The following ZNG1B variants were observed in gnomAD, a reference collection of about 807,000 sequenced individuals.
The protein encoded by ZNG1B is Zn regulated GTPase metalloprotein activator 1B.
At chr2:113,483,838 G>A in the ZNG1B span, among the ~76,000 whole-genome samples, 3 of 152,250 alleles carry the variant, frequency 2.0e-5, no homozygotes, top group Non-Finnish European at 4.4e-5. Flanking sequence ...GTGTATTAAA[G>A]CAAATTCCAG....
chr2:113,438,716 A>G, the ZNG1B span, among the ~76,000 whole-genome samples: 65 of 152,100 alleles, frequency 4.3e-4, no homozygotes, highest in African/African-American at 1.5e-3. Context: ...TTCTTACTGG[A>G]AAAGTTTGAG....
At chr2:113,453,011 C>T in the ZNG1B span, 4 of 1,453,182 alleles carry the variant, frequency 2.8e-6, no homozygotes, top group Non-Finnish European at 3.7e-6. Context: ...GCTTCTATCA[C>T]TATAATTTCC....
the ZNG1B span, among the ~76,000 whole-genome samples, chr2:113,439,907 C>T: frequency 3.6e-5 from 3 of 82,300 alleles, no homozygotes; most frequent in South Asian, 4.5e-4. Context: ...TTTTTTGAGA[C>T]GGAGTCTCGC....
At chr2:113,441,998 A>G in the ZNG1B span, among the ~76,000 whole-genome samples, 1 of 152,138 alleles carries the variant, frequency 6.6e-6, no homozygotes, top group Non-Finnish European at 1.5e-5. Flanking sequence ...TCGGCCTCCC[A>G]AAGTTGCTGG....
chr2:113,446,765 TGCACAC>T, the ZNG1B span, among the ~76,000 whole-genome samples: 1 of 120,160 alleles, frequency 8.3e-6, no homozygotes, highest in African/African-American at 3.2e-5. Context: ...CACACGCACA[TGCACAC>T]GCACACACAC....
chr2:113,490,682 T>C, the ZNG1B span, among the ~76,000 whole-genome samples: 1 of 152,034 alleles, frequency 6.6e-6, no homozygotes, highest in South Asian at 2.1e-4. Flanking sequence ...ACAAAAGATA[T>C]TCAAGGCTAC....
At chr2:113,452,854 A>G in the ZNG1B span, among the ~76,000 whole-genome samples, 1 of 147,238 alleles carries the variant, frequency 6.8e-6, no homozygotes, top group African/African-American at 2.5e-5. Context: ...TTAAATTATT[A>G]TGGCATCGGT....
chr2:113,471,768 T>A, the ZNG1B span, among the ~76,000 whole-genome samples: 3 of 151,984 alleles, frequency 2.0e-5, no homozygotes, highest in Admixed American at 2.0e-4. Flanking sequence ...TTATGGAGAA[T>A]GATGATTTCC....
chr2:113,446,772 G>A, the ZNG1B span, among the ~76,000 whole-genome samples: 40 of 142,124 alleles, frequency 2.8e-4, no homozygotes, highest in South Asian at 9.3e-4. Context: ...ACATGCACAC[G>A]CACACACACA....
the ZNG1B span, chr2:113,469,139 T>C: frequency 6.6e-6 from 1 of 151,962 alleles, no homozygotes. Context: ...TTTATTTTTA[T>C]TTTTATTTAT....
the ZNG1B span, among the ~76,000 whole-genome samples, chr2:113,439,319 C>T: frequency 6.6e-6 from 1 of 151,836 alleles, no homozygotes; most frequent in Non-Finnish European, 1.5e-5. Context: ...AAGGCTCCCT[C>T]CTCCTTCCCC....
the ZNG1B span, among the ~76,000 whole-genome samples, chr2:113,479,817 C>CTTTTT: frequency 2.7e-4 from 36 of 135,652 alleles, no homozygotes; most frequent in Admixed American, 4.4e-4. Context: ...ATTTGCCTTT[C>CTTTTT]TTTTTTTTTT....
chr2:113,446,638 C>T, the ZNG1B span, among the ~76,000 whole-genome samples: 1 of 148,786 alleles, frequency 6.7e-6, no homozygotes, highest in Non-Finnish European at 1.5e-5. Flanking sequence ...CCCAGCTACT[C>T]AGGAGGCTAA....
the ZNG1B span, among the ~76,000 whole-genome samples, chr2:113,483,454 G>A: frequency 4.0e-5 from 6 of 150,890 alleles, no homozygotes; most frequent in East Asian, 7.8e-4. Flanking sequence ...GAAAAGCTGC[G>A]TTTCTCAAAT....
the ZNG1B span, among the ~76,000 whole-genome samples, chr2:113,462,162 G>A: frequency 9.2e-5 from 14 of 152,100 alleles, no homozygotes; most frequent in Non-Finnish European, 1.9e-4. Flanking sequence ...AATACTTTGC[G>A]AATGGGTAAT....
At chr2:113,474,599 C>T in the ZNG1B span, among the ~76,000 whole-genome samples, 7,072 of 140,114 alleles carry the variant, frequency 0.05, 312 homozygotes, top group Admixed American at 0.078. Flanking sequence ...AATTTTGGAT[C>T]TTTCCTGCTT....
the ZNG1B span, chr2:113,462,357 T>C: frequency 7.8e-6 from 12 of 1,533,098 alleles, no homozygotes; most frequent in Non-Finnish European, 1.1e-5. Flanking sequence ...TTAATCTGCA[T>C]GCGTGTATAT....
chr2:113,485,295 G>A, the ZNG1B span, among the ~76,000 whole-genome samples: 1 of 134,084 alleles, frequency 7.5e-6, no homozygotes, highest in South Asian at 2.4e-4. Context: ...TGGAGAGTTG[G>A]TACTGGAATC....
At chr2:113,472,232 C>G in the ZNG1B span, among the ~76,000 whole-genome samples, 1 of 151,950 alleles carries the variant, frequency 6.6e-6, no homozygotes, top group African/African-American at 2.4e-5. Context: ...CTCTGATGGC[C>G]AGTGATGGTG....
Sources: allele counts gnomAD v4.1 joint callset (sites outside exome capture counted in the v4.1 genomes callset), GRCh38; gene constraint gnomAD v4.1.1; transcripts MANE v1.5; gene names NCBI Gene and HGNC (gene_info 2026-07-23, HGNC 2026-07-21).